ERP44: variants seen among roughly 807,000 people sequenced by gnomAD.
The protein encoded by ERP44 is endoplasmic reticulum protein 44.
Under a neutral mutation model 53.4 loss-of-function variants are expected in ERP44, and 25 were observed. That is an observed-to-expected ratio of 0.47 (90% CI 0.34 to 0.65). The LOEUF is 0.65. Ranked by LOEUF, ERP44 falls within the 30% of genes least tolerant of loss-of-function variation. The probability of loss-of-function intolerance (pLI) is 0.01; values close to 1 mark genes in which losing one functional copy is unlikely to be tolerated. For missense variants in ERP44, 338 were observed against 493.2 expected, an observed-to-expected ratio of 0.69 and a Z score of 2.98; for synonymous variants, 145 against 161.2, an observed-to-expected ratio of 0.90 and a Z score of 0.76.
At chr9:100,049,914 A>G (rs10988955) in intron 4 of ERP44, among the ~76,000 whole-genome samples, 29,011 of 152,034 alleles carry the variant, frequency 0.19, 4,434 homozygotes, top group African/African-American at 0.43. Context: ...AACAACCCAA[A>G]TGTCTGTCAG....
At chr9:99,989,710 T>G (rs138430752) in intron 10 of ERP44, among the ~76,000 whole-genome samples, 26 of 152,246 alleles carry the variant, frequency 1.7e-4, no homozygotes, top group African/African-American at 6.0e-4. Context: ...CTTCAGAAGG[T>G]CGGTAATAAC....
At chr9:100,089,580 C>CAA (rs71498726) in intron 1 of ERP44, among the ~76,000 whole-genome samples, 453 of 41,416 alleles carry the variant, frequency 0.011, 7 homozygotes, top group African/African-American at 0.014. Flanking sequence ...GACTCCATCT[C>CAA]AAAAAAAAAA....
chr9:100,035,238 C>A (rs769550335), intron 4 of ERP44, among the ~76,000 whole-genome samples: 4 of 152,104 alleles, frequency 2.6e-5, no homozygotes, highest in Non-Finnish European at 5.9e-5. Flanking sequence ...CCTAATTAAA[C>A]TAAAGAGCCT....
intron 8 of ERP44, among the ~76,000 whole-genome samples, 199 bp from the exon 9 acceptor site, chr9:100,007,888 CCAGA>C (rs1231229074): frequency 6.6e-6 from 1 of 152,154 alleles, no homozygotes; most frequent in East Asian, 1.9e-4. Flanking sequence ...CCTCAAGTAC[CCAGA>C]CAGTCAGAGG....
chr9:100,090,760 A>T (rs544146011), intron 1 of ERP44, among the ~76,000 whole-genome samples: 219 of 152,102 alleles, frequency 1.4e-3, no homozygotes, highest in African/African-American at 4.2e-3. Flanking sequence ...AAAAAAAAAA[A>T]ATATACAACA....
At chr9:100,094,785 G>T (rs1406992304) in intron 1 of ERP44, among the ~76,000 whole-genome samples, 1 of 148,864 alleles carries the variant, frequency 6.7e-6, no homozygotes, top group African/African-American at 2.5e-5. Context: ...AATATAGTGA[G>T]ACCCTTGTCT....
rs140331318 is a variant in ERP44 at position 100,003,779 on chromosome 9, C to T, written c.1016+2727G>A. Among the ~76,000 whole-genome samples the T allele has an allele frequency of 2.3e-3, 345 of 152,054 alleles. 2 individuals are homozygous for T. The highest frequency in any genetic ancestry group is 3.5e-3 in the Non-Finnish European group (235 of 67,978). ...ACTGGGATGAGCCTGGTGCCTGGGT[C>T]CACTGGGATAGGCTGAGTCTGTGGG... On this transcript the variant is annotated intron_variant, in intron 10 of 11. Coordinates refer to ENST00000262455, the MANE Select transcript of ERP44 (RefSeq NM_015051.3).
At chr9:99,990,750 G>C (rs773240084) in intron 10 of ERP44, among the ~76,000 whole-genome samples, 1 of 152,156 alleles carries the variant, frequency 6.6e-6, no homozygotes, top group Non-Finnish European at 1.5e-5. Flanking sequence ...ACCCAACAGT[G>C]TGCTGTATTC....
chr9:100,033,976 A>G (rs963799173), intron 4 of ERP44, among the ~76,000 whole-genome samples: 1 of 152,140 alleles, frequency 6.6e-6, no homozygotes, highest in Non-Finnish European at 1.5e-5. Context: ...TTCCCTTGTA[A>G]AAGAGAGAGG....
In ERP44 at chr9:100,076,328, T is replaced by C. The variant is rs537550879; in HGVS notation, c.58-16156A>G. Among the ~76,000 whole-genome samples the C allele has an allele frequency of 3.2e-4, 48 of 152,280 alleles. 1 individual carries two copies. The highest frequency in any genetic ancestry group is 2.6e-3 in the Admixed American group (40 of 15,286). Reference sequence around the variant, plus strand: ...CATGAGGAAGTGGCTCAAATGCCCATGGTCTCCACTCCTGCCACCCTGCCT... The same window carrying C: ...CATGAGGAAGTGGCTCAAATGCCCACGGTCTCCACTCCTGCCACCCTGCCT... On this transcript the variant is annotated intron_variant, in intron 1 of 11. Transcript: ENST00000262455.
intron 2 of ERP44, among the ~76,000 whole-genome samples, chr9:100,058,690 G>C (rs1826111220): frequency 6.6e-6 from 1 of 152,170 alleles, no homozygotes; most frequent in Non-Finnish European, 1.5e-5. Context: ...AAAAATAACA[G>C]CATCATTTGC....
intron 10 of ERP44, among the ~76,000 whole-genome samples, chr9:99,987,556 AT>A (rs1830207990): frequency 6.6e-6 from 1 of 152,230 alleles, no homozygotes; most frequent in Admixed American, 6.5e-5. Context: ...ATTTCTTAAA[AT>A]TTACATACAG....
At chr9:100,053,791 G>A (rs1367498193) in intron 3 of ERP44, among the ~76,000 whole-genome samples, 1 of 152,146 alleles carries the variant, frequency 6.6e-6, no homozygotes, top group African/African-American at 2.4e-5. Context: ...GGTTAGAATG[G>A]CCATTCTCTT....
intron 1 of ERP44, among the ~76,000 whole-genome samples, chr9:100,075,464 G>A (rs1274226131): frequency 1.3e-5 from 2 of 152,120 alleles, no homozygotes; most frequent in South Asian, 2.1e-4. Flanking sequence ...AATCTTATTC[G>A]GAGAGACCCT....
Position 99,996,908 on chromosome 9 carries a change from CATATATATATATATGTATAT to C in ERP44, c.1016+9578_1016+9597del, listed in dbSNP as rs1830315159. The stretch of plus-strand genomic sequence containing the variant: ...TCCATCGTGTATGTGTATATATATA[CATATATATATATATGTATAT>C]ATATACACATACATATACACACACA... On this transcript the variant is annotated intron_variant, in intron 10 of 11. Coordinates refer to ENST00000262455, the MANE Select transcript of ERP44 (RefSeq NM_015051.3). 2.2e-4 allele frequency among the ~76,000 whole-genome samples: 5 copies of C among 22,488 alleles called. No homozygotes were observed. The South Asian group carries it at 6.8e-3, about 30-fold the overall frequency. 14.8% of individuals were successfully genotyped at this position (22,488 alleles called of 152,430 possible).
intron 1 of ERP44, among the ~76,000 whole-genome samples, chr9:100,096,738 C>T (rs1826636236): frequency 6.6e-6 from 1 of 152,044 alleles, no homozygotes; most frequent in Non-Finnish European, 1.5e-5. Flanking sequence ...GGGAACTTGG[C>T]TTTTCTTTAT....
intron 4 of ERP44, among the ~76,000 whole-genome samples, chr9:100,026,124 T>A (rs1369228692): frequency 6.6e-6 from 1 of 152,232 alleles, no homozygotes; most frequent in East Asian, 1.9e-4. Flanking sequence ...CAGTTGCAGA[T>A]TTAGGGCTGA....
At chr9:100,015,991 A>T (rs899339412) in intron 8 of ERP44, among the ~76,000 whole-genome samples, 2 of 152,174 alleles carry the variant, frequency 1.3e-5, no homozygotes, top group African/African-American at 4.8e-5. Flanking sequence ...TCTGCGGCCC[A>T]GGGTATGGGG....
intron 10 of ERP44, among the ~76,000 whole-genome samples, chr9:99,992,072 G>A (rs1830262499): frequency 2.0e-5 from 3 of 152,130 alleles, no homozygotes; most frequent in Admixed American, 1.3e-4. Context: ...ATTCACAGCC[G>A]ACTTCTACCA....
Sources: gnomAD v4.1 joint callset for allele counts (sites outside exome capture counted in the v4.1 genomes callset) on GRCh38, gnomAD v4.1.1 for gene constraint, MANE v1.5 for transcripts, NCBI Gene and HGNC (gene_info 2026-07-23, HGNC 2026-07-21) for gene names.